LCLAT1: variants seen among roughly 807,000 people sequenced by gnomAD.
LCLAT1 encodes lysocardiolipin acyltransferase 1, also known as 1-AGP acyltransferase 8.
Under a neutral mutation model 30.7 loss-of-function variants are expected in LCLAT1, and 11 were observed. The ratio of observed to expected loss-of-function variants is 0.36; its 90% CI spans 0.23 to 0.59. The LOEUF (loss-of-function observed/expected upper bound fraction) is 0.59. Among genes scored for constraint, LCLAT1 ranks in the 20% least tolerant of loss-of-function variants. The probability of loss-of-function intolerance (pLI) is 0.77; values close to 1 mark genes in which losing one functional copy is unlikely to be tolerated. For synonymous variants in LCLAT1, 155 were observed against 151.3 expected (o/e 1.02, Z -0.18); for missense variants, 402 against 458.6 (o/e 0.88, Z 1.13).
intron 3 of LCLAT1, among the ~76,000 whole-genome samples, chr2:30,554,774 G>A (rs1664838477): frequency 6.6e-6 from 1 of 152,082 alleles, no homozygotes; most frequent in Non-Finnish European, 1.5e-5. Context: ...AACTAAATTA[G>A]TAGAACAGGT....
chr2:30,592,977 A>G (rs1347040836), intron 5 of LCLAT1, among the ~76,000 whole-genome samples: 1 of 152,214 alleles, frequency 6.6e-6, no homozygotes, highest in East Asian at 1.9e-4. Flanking sequence ...GCAATACATT[A>G]TTAACTATAA....
At chr2:30,542,204 C>G (rs1289591711) in intron 3 of LCLAT1, among the ~76,000 whole-genome samples, 1 of 152,094 alleles carries the variant, frequency 6.6e-6, no homozygotes, top group Non-Finnish European at 1.5e-5. Flanking sequence ...TTTCAAAGAG[C>G]AAACTTTATC....
intron 5 of LCLAT1, among the ~76,000 whole-genome samples, chr2:30,618,653 T>C (rs1251055790): frequency 1.3e-5 from 2 of 152,112 alleles, no homozygotes; most frequent in Non-Finnish European, 2.9e-5. Context: ...CAACAAACCC[T>C]CATGACGTAT....
intron 1 of LCLAT1, among the ~76,000 whole-genome samples, chr2:30,448,065 A>T (rs138520866): frequency 7.9e-5 from 12 of 152,300 alleles, no homozygotes; most frequent in African/African-American, 2.6e-4. Flanking sequence ...GGTTGTGGAG[A>T]TGTTTTGCTT....
At chr2:30,621,196 A>T (rs147854280) in intron 5 of LCLAT1, among the ~76,000 whole-genome samples, 1 of 152,200 alleles carries the variant, frequency 6.6e-6, no homozygotes, top group Admixed American at 6.5e-5. Context: ...ACTCATCCAG[A>T]TGTTGACTCT....
intron 5 of LCLAT1, chr2:30,605,979 G>T: frequency 7.9e-7 from 1 of 1,273,070 alleles, no homozygotes; most frequent in South Asian, 1.3e-5. Flanking sequence ...GCTACCATGA[G>T]AATCTAATGC....
At chr2:30,535,249 A>T (rs1269125196) in intron 3 of LCLAT1, among the ~76,000 whole-genome samples, 7 of 152,220 alleles carry the variant, frequency 4.6e-5, no homozygotes, top group Non-Finnish European at 1.0e-4. Flanking sequence ...AAATAATGCC[A>T]TAAGTGTTCA....
chr2:30,592,865 A>G (rs1295981967), intron 5 of LCLAT1, among the ~76,000 whole-genome samples: 1 of 152,230 alleles, frequency 6.6e-6, no homozygotes, highest in Non-Finnish European at 1.5e-5. Flanking sequence ...TACAATGTGT[A>G]ACAATCAACT....
intron 3 of LCLAT1, among the ~76,000 whole-genome samples, chr2:30,538,624 A>G (rs1298809961): frequency 6.6e-6 from 1 of 152,042 alleles, no homozygotes; most frequent in African/African-American, 2.4e-5. Context: ...TGACAGAGCC[A>G]GACTCCATCT....
At chr2:30,557,194 A>G (rs554866007) in intron 3 of LCLAT1, among the ~76,000 whole-genome samples, 1 of 152,174 alleles carries the variant, frequency 6.6e-6, no homozygotes, top group African/African-American at 2.4e-5. Context: ...AGAGAATACA[A>G]TGCAGTTATT....
chr2:30,508,008 A>C (rs1405711328), intron 1 of LCLAT1, among the ~76,000 whole-genome samples: 1 of 152,122 alleles, frequency 6.6e-6, no homozygotes, highest in Non-Finnish European at 1.5e-5. Context: ...ATGGTATCTA[A>C]TTGTGGTTTT....
intron 2 of LCLAT1, among the ~76,000 whole-genome samples, chr2:30,526,719 A>G (rs933860704): frequency 1.3e-5 from 2 of 152,202 alleles, no homozygotes; most frequent in Non-Finnish European, 2.9e-5. Context: ...GCATTTTGCT[A>G]GGATGCAGTG....
chr2:30,558,597 CAAAAA>C (rs36075365), intron 3 of LCLAT1, among the ~76,000 whole-genome samples: 3 of 83,234 alleles, frequency 3.6e-5, no homozygotes, highest in Non-Finnish European at 4.8e-5. Context: ...GACTTTGTCT[CAAAAA>C]AAAAAAAAAA....
At chr2:30,626,792 G>C (rs532482789) in intron 5 of LCLAT1, among the ~76,000 whole-genome samples, 1 of 151,634 alleles carries the variant, frequency 6.6e-6, no homozygotes, top group East Asian at 1.9e-4. Flanking sequence ...TTCTATTGCA[G>C]TCTTCATTGT....
chr2:30,490,449 C>T (rs1434027623), intron 1 of LCLAT1, among the ~76,000 whole-genome samples: 3 of 152,072 alleles, frequency 2.0e-5, no homozygotes, highest in Non-Finnish European at 2.9e-5. Context: ...CCTCGGCCTC[C>T]CAAAGTGCTG....
intron 5 of LCLAT1, among the ~76,000 whole-genome samples, chr2:30,635,226 T>TTATA (rs1013723726): frequency 1.2e-4 from 18 of 145,936 alleles, no homozygotes; most frequent in African/African-American, 4.2e-4. Context: ...ACCCCTGTCT[T>TTATA]TATATATATA....
chr2:30,512,499 G>A (rs879488839), intron 1 of LCLAT1, among the ~76,000 whole-genome samples: 2 of 152,138 alleles, frequency 1.3e-5, no homozygotes, highest in Admixed American at 1.3e-4. Flanking sequence ...ATAAAAGGGT[G>A]GATGGAGATT....
intron 1 of LCLAT1, among the ~76,000 whole-genome samples, chr2:30,450,280 C>T (rs750995765): frequency 6.6e-5 from 10 of 152,124 alleles, no homozygotes; most frequent in African/African-American, 2.4e-4. Flanking sequence ...AGGATAAAGG[C>T]GTAGGGAGAA....
chr2:30,470,104 G>T (rs1480327713), intron 1 of LCLAT1, among the ~76,000 whole-genome samples: 1 of 152,146 alleles, frequency 6.6e-6, no homozygotes, highest in Admixed American at 6.5e-5. Context: ...TGTCGAGTCA[G>T]TTTCGGGTGG....
Sources: allele counts gnomAD v4.1 joint callset (sites outside exome capture counted in the v4.1 genomes callset), GRCh38; gene constraint gnomAD v4.1.1; transcripts MANE v1.5; gene names NCBI Gene and HGNC (gene_info 2026-07-23, HGNC 2026-07-21).